Variants in ASIC2 observed in about 807,000 individuals in gnomAD.
The protein encoded by ASIC2 is acid-sensing ion channel 2.
In ASIC2, 25 loss-of-function variants were observed where a neutral mutation model predicts 57.3. The ratio of observed to expected loss-of-function variants is 0.44; its 90% CI spans 0.32 to 0.61. The LOEUF (loss-of-function observed/expected upper bound fraction) is 0.61. ASIC2 is among the 20% of genes least tolerant of loss of function. The probability of loss-of-function intolerance (pLI) is 0.06; values close to 1 mark genes in which losing one functional copy is unlikely to be tolerated. For synonymous variants in ASIC2, 319 were observed against 307.5 expected (o/e 1.04, Z -0.39); for missense variants, 641 against 738.1 (o/e 0.87, Z 1.52).
intron 1 of ASIC2, among the ~76,000 whole-genome samples, chr17:33,986,677 G>T (rs545003533): frequency 6.6e-6 from 1 of 152,082 alleles, no homozygotes; most frequent in African/African-American, 2.4e-5. Flanking sequence ...AGAGGCATAG[G>T]GTTTCACACC....
At chr17:33,458,072 C>T (rs116745100) in intron 1 of ASIC2, among the ~76,000 whole-genome samples, 2 of 151,496 alleles carry the variant, frequency 1.3e-5, no homozygotes, top group Admixed American at 6.6e-5. Context: ...ATAGCTGAGG[C>T]GTCTTTGGGG....
intron 1 of ASIC2, among the ~76,000 whole-genome samples, chr17:34,149,266 C>T (rs1598048185): frequency 6.6e-6 from 1 of 152,072 alleles, no homozygotes; most frequent in Non-Finnish European, 1.5e-5. Context: ...GCCACCACTC[C>T]TGGCTCATTT....
At chr17:33,516,785 T>C (rs1014080521) in intron 1 of ASIC2, among the ~76,000 whole-genome samples, 4 of 152,204 alleles carry the variant, frequency 2.6e-5, no homozygotes, top group Non-Finnish European at 1.5e-5. Flanking sequence ...TCTGGGACAC[T>C]TTGCCTGACC....
intron 1 of ASIC2, among the ~76,000 whole-genome samples, chr17:33,642,825 G>C (rs1205703199): frequency 2.6e-5 from 4 of 152,202 alleles, no homozygotes; most frequent in Admixed American, 2.0e-4. Context: ...GAAATGCCAA[G>C]CACCTTCATT....
At chr17:33,141,950 C>T (rs746253337) in intron 1 of ASIC2, among the ~76,000 whole-genome samples, 11 of 152,230 alleles carry the variant, frequency 7.2e-5, no homozygotes, top group Admixed American at 3.3e-4. Flanking sequence ...GCAATAAGGA[C>T]ATCTTCAATT....
intron 1 of ASIC2, among the ~76,000 whole-genome samples, chr17:33,463,917 T>C (rs1354719628): frequency 1.3e-5 from 2 of 152,206 alleles, no homozygotes; most frequent in African/African-American, 4.8e-5. Flanking sequence ...TAGGAGGGGC[T>C]TGGGAAGGGT....
At chr17:33,631,934 T>C (rs1451235048) in intron 1 of ASIC2, among the ~76,000 whole-genome samples, 1 of 152,190 alleles carries the variant, frequency 6.6e-6, no homozygotes, top group Non-Finnish European at 1.5e-5. Flanking sequence ...TGAGATTCTC[T>C]GATTCAAGAA....
At chr17:33,027,107 G>C (rs72817066) in intron 4 of ASIC2, among the ~76,000 whole-genome samples, 24,597 of 152,068 alleles carry the variant, frequency 0.16, 2,181 homozygotes, top group Middle Eastern at 0.23. Context: ...TCATTTCCTC[G>C]CCTTTCCCAG....
At chr17:33,064,146 T>C (rs1194431422) in intron 3 of ASIC2, among the ~76,000 whole-genome samples, 4 of 152,226 alleles carry the variant, frequency 2.6e-5, no homozygotes, top group African/African-American at 9.6e-5. Flanking sequence ...GTCTGAAGCC[T>C]TCTTCTCTCA....
chr17:33,498,655 G>A (rs747367852), intron 1 of ASIC2, among the ~76,000 whole-genome samples: 8 of 152,198 alleles, frequency 5.3e-5, no homozygotes, highest in Admixed American at 5.2e-4. Context: ...GCACTGCGCT[G>A]GGCTCTGGGA....
chr17:34,129,171 T>C (rs551770165), intron 1 of ASIC2, among the ~76,000 whole-genome samples: 1 of 152,324 alleles, frequency 6.6e-6, no homozygotes, highest in Admixed American at 6.5e-5. Flanking sequence ...TCAAGCACTA[T>C]GCTTAGCATG....
intron 1 of ASIC2, among the ~76,000 whole-genome samples, chr17:33,795,399 TC>T (rs1911887665): frequency 1.3e-5 from 2 of 152,384 alleles, no homozygotes; most frequent in East Asian, 3.9e-4. Context: ...CTTTGCCCCA[TC>T]CTTTTTGCCT....
chr17:33,420,480 T>C (rs1911007078), intron 1 of ASIC2, among the ~76,000 whole-genome samples: 1 of 152,174 alleles, frequency 6.6e-6, no homozygotes, highest in Non-Finnish European at 1.5e-5. Flanking sequence ...ACTAAAGGTA[T>C]GGAGTGGTAA....
At chr17:33,448,049 T>TAATAAAATAAAATAAAATAA (rs67408111) in intron 1 of ASIC2, among the ~76,000 whole-genome samples, 23 of 140,022 alleles carry the variant, frequency 1.6e-4, no homozygotes, top group African/African-American at 2.9e-4. Flanking sequence ...TCTTTATGCA[T>TAATAAAATAAAATAAAATAA]AATAAAATAA....
intron 3 of ASIC2, among the ~76,000 whole-genome samples, chr17:33,087,889 T>C (rs927831202): frequency 2.0e-5 from 3 of 152,098 alleles, no homozygotes; most frequent in African/African-American, 7.2e-5. Context: ...AGAATATCAT[T>C]TTATAAAATG....
chr17:33,594,099 C>T (rs546903283), intron 1 of ASIC2, among the ~76,000 whole-genome samples: 4 of 152,362 alleles, frequency 2.6e-5, no homozygotes, highest in Non-Finnish European at 2.9e-5. Flanking sequence ...GATCTTAGCT[C>T]GCGTTTCCTA....
chr17:33,317,886 AGTGTGTGT>A (rs57716479), intron 1 of ASIC2, among the ~76,000 whole-genome samples: 43,506 of 144,362 alleles, frequency 0.3, 6,391 homozygotes, highest in South Asian at 0.44. Context: ...TGTGGAGATG[AGTGTGTGT>A]GTGTGTGTGT....
intron 1 of ASIC2, among the ~76,000 whole-genome samples, chr17:33,407,998 G>A (rs889616568): frequency 1.3e-5 from 2 of 151,532 alleles, no homozygotes; most frequent in South Asian, 2.1e-4. Flanking sequence ...GGCATTTGGG[G>A]CCACCAAGAC....
chr17:33,023,877 A>T lies in ASIC2; in HGVS notation c.1333T>A (p.Ser445Thr). 1 of 1,613,984 alleles carries T rather than the reference A, an allele frequency of 6.2e-7. No homozygotes were observed. The highest frequency in any genetic ancestry group is 8.5e-7 in the Non-Finnish European group (1 of 1,180,004). The stretch of plus-strand genomic sequence containing the variant: ...TAAACTTACGAGATATATTTTTCTG[A>T]TTTGTTAAATTTCTTCTCAAGGTAC... The part of the protein sequence containing the change: ...AKYLEKKFNK[S>T]EKYISENILV... Residue 445 changes from serine (S) to threonine (T), a missense_variant, in exon 6 of 10, where the codon TCA becomes ACA. Ser to Thr is a moderately conservative substitution (Grantham distance 58). Transcript: ENST00000225823.
Sources: allele counts gnomAD v4.1 joint callset (sites outside exome capture counted in the v4.1 genomes callset), GRCh38; gene constraint gnomAD v4.1.1; transcripts MANE v1.5; gene names NCBI Gene and HGNC (gene_info 2026-07-23, HGNC 2026-07-21).